The following LCLAT1 variants were observed in gnomAD, a reference collection of about 807,000 sequenced individuals.
The protein encoded by LCLAT1 is lysocardiolipin acyltransferase 1.
LCLAT1 carries 11 observed loss-of-function variants against 30.7 expected under a neutral mutation model. That is an observed-to-expected ratio of 0.36 (90% CI 0.23 to 0.59). The LOEUF (loss-of-function observed/expected upper bound fraction) is 0.59, where lower values mean the gene tolerates loss of function less well. LCLAT1 is among the 20% of genes least tolerant of loss of function. The pLI, the probability that LCLAT1 is intolerant of heterozygous loss-of-function variation, is 0.77. For synonymous variants in LCLAT1, 155 were observed against 151.3 expected (o/e 1.02, Z -0.18); for missense variants, 402 against 458.6 (o/e 0.88, Z 1.13).
At chr2:30,524,484 A>G (rs189392915) in intron 1 of LCLAT1, among the ~76,000 whole-genome samples, 34 of 152,360 alleles carry the variant, frequency 2.2e-4, no homozygotes, top group Admixed American at 3.9e-4. Context: ...AGTTACCCAC[A>G]GTCAACTGTG....
intron 1 of LCLAT1, among the ~76,000 whole-genome samples, chr2:30,511,290 C>T (rs1430715176): frequency 6.6e-6 from 1 of 152,172 alleles, no homozygotes. Flanking sequence ...GCTAGGATTA[C>T]AGGCATGAGT....
At chr2:30,626,761 T>C (rs1431041762) in intron 5 of LCLAT1, among the ~76,000 whole-genome samples, 1 of 152,038 alleles carries the variant, frequency 6.6e-6, no homozygotes, top group Admixed American at 6.5e-5. Context: ...TAATGAAGCA[T>C]GTAAGGTCAT....
At chr2:30,632,232 G>A (rs908528830) in intron 5 of LCLAT1, among the ~76,000 whole-genome samples, 4 of 152,124 alleles carry the variant, frequency 2.6e-5, no homozygotes, top group African/African-American at 4.8e-5. Context: ...GCTCAAAATG[G>A]TTCTTATTTA....
At chr2:30,592,661 A>C (rs904714298) in intron 5 of LCLAT1, among the ~76,000 whole-genome samples, 9 of 152,254 alleles carry the variant, frequency 5.9e-5, no homozygotes, top group Non-Finnish European at 1.5e-5. Context: ...TTAATCCATT[A>C]CATACATTTT....
chr2:30,463,648 T>C (rs1682279699), intron 1 of LCLAT1, among the ~76,000 whole-genome samples: 1 of 152,216 alleles, frequency 6.6e-6, no homozygotes, highest in African/African-American at 2.4e-5. Flanking sequence ...TACATTGTAT[T>C]AGATACTATG....
intron 1 of LCLAT1, among the ~76,000 whole-genome samples, chr2:30,471,998 T>C (rs900146883): frequency 2.6e-5 from 4 of 152,212 alleles, no homozygotes; most frequent in African/African-American, 4.8e-5. Context: ...ATGAACATCA[T>C]TGTCATGAAC....
At chr2:30,495,760 A>G (rs1311891110) in intron 1 of LCLAT1, among the ~76,000 whole-genome samples, 3 of 152,260 alleles carry the variant, frequency 2.0e-5, no homozygotes, top group Non-Finnish European at 2.9e-5. Flanking sequence ...GTCCTGGAGT[A>G]TAAGTCTAAG....
chr2:30,596,322 A>ATAAT (rs745377252), intron 5 of LCLAT1, among the ~76,000 whole-genome samples: 1 of 152,064 alleles, frequency 6.6e-6, no homozygotes, highest in East Asian at 1.9e-4. Flanking sequence ...TGACTTTTAA[A>ATAAT]TAATTGCCAT....
At chr2:30,530,681 G>A (rs1685939143) in intron 2 of LCLAT1, among the ~76,000 whole-genome samples, 1 of 152,124 alleles carries the variant, frequency 6.6e-6, no homozygotes, top group Non-Finnish European at 1.5e-5. Flanking sequence ...GCGTAGCTAA[G>A]GCTCTGGGCA....
chr2:30,618,264 T>C (rs1043223910), intron 5 of LCLAT1, among the ~76,000 whole-genome samples: 7 of 152,218 alleles, frequency 4.6e-5, no homozygotes, highest in Non-Finnish European at 1.0e-4. Flanking sequence ...TGCACATCTA[T>C]ATAAAACTTA....
intron 3 of LCLAT1, among the ~76,000 whole-genome samples, chr2:30,558,230 A>G (rs377403193): frequency 2.0e-5 from 3 of 152,266 alleles, no homozygotes; most frequent in East Asian, 3.9e-4. Context: ...AAGACAAATC[A>G]ATTAAAAAAA....
At chr2:30,514,024 G>A (rs1328363801) in intron 1 of LCLAT1, among the ~76,000 whole-genome samples, 1 of 152,140 alleles carries the variant, frequency 6.6e-6, no homozygotes, top group Non-Finnish European at 1.5e-5. Flanking sequence ...AATTAACTGA[G>A]ACCTGTCTCA....
intron 1 of LCLAT1, among the ~76,000 whole-genome samples, chr2:30,474,147 T>C (rs934509727): frequency 9.2e-5 from 14 of 152,190 alleles, no homozygotes; most frequent in African/African-American, 3.4e-4. Context: ...CAAATTTATA[T>C]GGAGTAAAGA....
chr2:30,568,542 C>G (rs1206807702), intron 5 of LCLAT1, among the ~76,000 whole-genome samples: 2 of 116,880 alleles, frequency 1.7e-5, no homozygotes, highest in African/African-American at 6.7e-5. Context: ...GAGTCTTGCT[C>G]TGTTGCCCAG....
chr2:30,469,513 G>T (rs1184085387), intron 1 of LCLAT1, among the ~76,000 whole-genome samples: 1 of 150,276 alleles, frequency 6.7e-6, no homozygotes, highest in Non-Finnish European at 1.5e-5. Flanking sequence ...TTGAAAATCA[G>T]TTGGCCATAG....
At chr2:30,566,661 A>G (rs1306384173) in intron 4 of LCLAT1, among the ~76,000 whole-genome samples, 1 of 152,212 alleles carries the variant, frequency 6.6e-6, no homozygotes, top group Admixed American at 6.5e-5. Context: ...ATAGTTTATC[A>G]ATTTCGGAAT....
intron 5 of LCLAT1, among the ~76,000 whole-genome samples, chr2:30,603,116 G>A (rs186173241): frequency 5.9e-5 from 9 of 152,062 alleles, no homozygotes; most frequent in Non-Finnish European, 7.4e-5. Flanking sequence ...AAGAAATTTA[G>A]CATCAATATA....
intron 1 of LCLAT1, among the ~76,000 whole-genome samples, chr2:30,487,771 G>C (rs1459215587): frequency 6.6e-6 from 1 of 152,126 alleles, no homozygotes; most frequent in African/African-American, 2.4e-5. Context: ...AGTGACTCTT[G>C]GGCTAAGTGC....
chr2:30,590,282 C>T (rs1200271118), intron 5 of LCLAT1, among the ~76,000 whole-genome samples: 1 of 150,854 alleles, frequency 6.6e-6, no homozygotes, highest in Non-Finnish European at 1.5e-5. Context: ...TTTAAACTTC[C>T]ATCATTGACT....
Sources: gnomAD v4.1 joint callset for allele counts (sites outside exome capture counted in the v4.1 genomes callset) on GRCh38, gnomAD v4.1.1 for gene constraint, MANE v1.5 for transcripts, NCBI Gene and HGNC (gene_info 2026-07-23, HGNC 2026-07-21) for gene names.